Variants in ZFHX3 observed in about 807,000 individuals in gnomAD.
ZFHX3 encodes zinc finger homeobox protein 3.
Under a neutral mutation model 279.1 loss-of-function variants are expected in ZFHX3, and 42 were observed. That is an observed-to-expected ratio of 0.15 (90% CI 0.12 to 0.19). The LOEUF is 0.19. ZFHX3 is among the 10% of genes least tolerant of loss of function. The pLI, the probability that ZFHX3 is intolerant of heterozygous loss-of-function variation, is 1.00. For missense variants in ZFHX3, 4,981 were observed against 4,754.0 expected (o/e 1.05, Z -1.40); for synonymous variants, 2,293 against 1,957.8 (o/e 1.17, Z -4.52).
chr16:73,371,526 A>G (rs1280712559), intron 3 of ZFHX3, among the ~76,000 whole-genome samples: 2 of 151,788 alleles, frequency 1.3e-5, no homozygotes, highest in African/African-American at 4.8e-5. Flanking sequence ...AGGTAAGTTA[A>G]GTGAGTTTCC....
chr16:73,417,991 A>C, intron 3 of ZFHX3, among the ~76,000 whole-genome samples: 1 of 145,332 alleles, frequency 6.9e-6, no homozygotes, highest in African/African-American at 2.5e-5. Flanking sequence ...TCCATCTCAA[A>C]AAAAAAAAAA....
chr16:73,685,055 G>T (rs755217427), intron 1 of ZFHX3, among the ~76,000 whole-genome samples: 2 of 145,338 alleles, frequency 1.4e-5, no homozygotes, highest in African/African-American at 5.1e-5. Flanking sequence ...TCACTCTGTC[G>T]CCAGGCTGGA....
At chr16:72,887,357 C>T (rs569481121) in intron 4 of ZFHX3, among the ~76,000 whole-genome samples, 8 of 152,216 alleles carry the variant, frequency 5.3e-5, no homozygotes, top group Admixed American at 1.3e-4. Context: ...CCAGAGAAAA[C>T]AATAAGTTGT....
chr16:73,320,245 C>T (rs1030860864), intron 3 of ZFHX3, among the ~76,000 whole-genome samples: 2 of 152,110 alleles, frequency 1.3e-5, no homozygotes, highest in Non-Finnish European at 2.9e-5. Flanking sequence ...ACTAATGACC[C>T]CTTATTTAAA....
chr16:73,887,487 T>A (rs1456422517), intron 1 of ZFHX3, among the ~76,000 whole-genome samples: 2 of 152,204 alleles, frequency 1.3e-5, no homozygotes, highest in Non-Finnish European at 2.9e-5. Context: ...TAGATTAAAA[T>A]GGTTTAACTT....
chr16:73,399,890 A>G (rs2017214712), intron 3 of ZFHX3, among the ~76,000 whole-genome samples: 1 of 151,420 alleles, frequency 6.6e-6, no homozygotes, highest in Admixed American at 6.6e-5. Context: ...GTACACCCCC[A>G]GAGGCTGGGC....
At chr16:73,704,793 T>C (rs1262181739) in intron 1 of ZFHX3, among the ~76,000 whole-genome samples, 4 of 152,344 alleles carry the variant, frequency 2.6e-5, no homozygotes, top group African/African-American at 7.2e-5. Context: ...TAGAGGAAAC[T>C]GAACTTCACT....
chr16:73,438,942 G>A (rs1256632073), intron 3 of ZFHX3, among the ~76,000 whole-genome samples: 1 of 152,210 alleles, frequency 6.6e-6, no homozygotes, highest in Admixed American at 6.5e-5. Flanking sequence ...AAGCAGTGAA[G>A]CCAGCAGTTC....
At chr16:72,945,016 G>A (rs1157143552) in intron 3 of ZFHX3, among the ~76,000 whole-genome samples, 2 of 152,108 alleles carry the variant, frequency 1.3e-5, no homozygotes, top group Admixed American at 6.5e-5. Context: ...TCTAAAGAGT[G>A]GAGTGAAAAG....
intron 1 of ZFHX3, among the ~76,000 whole-genome samples, chr16:73,805,991 C>G (rs535079119): frequency 6.6e-6 from 1 of 152,298 alleles, no homozygotes; most frequent in African/African-American, 2.4e-5. Context: ...TTAATTGACT[C>G]ACAGTTCCAT....
intron 7 of ZFHX3, among the ~76,000 whole-genome samples, chr16:73,129,379 G>GACACAC (rs59666622): frequency 0.16 from 22,111 of 137,730 alleles, 2,456 homozygotes; most frequent in African/African-American, 0.32. Context: ...CAGAGACTCT[G>GACACAC]ACACACACAC....
At chr16:73,871,234 T>C (rs1597151917) in intron 1 of ZFHX3, among the ~76,000 whole-genome samples, 2 of 152,296 alleles carry the variant, frequency 1.3e-5, no homozygotes, top group South Asian at 2.1e-4. Flanking sequence ...CAAGAAATGC[T>C]GGAAAGTTGT....
chr16:73,326,516 C>T (rs1448619921), intron 3 of ZFHX3, among the ~76,000 whole-genome samples: 1 of 152,142 alleles, frequency 6.6e-6, no homozygotes, highest in Non-Finnish European at 1.5e-5. Flanking sequence ...ACACAAAGGA[C>T]CACATATCGT....
intron 1 of ZFHX3, among the ~76,000 whole-genome samples, chr16:73,765,896 G>T (rs9673757): frequency 6.6e-6 from 1 of 152,180 alleles, no homozygotes; most frequent in East Asian, 1.9e-4. Context: ...GGAGGCTTAC[G>T]TGAGACTGGC....
intron 5 of ZFHX3, among the ~76,000 whole-genome samples, chr16:73,226,836 A>G (rs1326730418): frequency 6.6e-6 from 1 of 152,226 alleles, no homozygotes; most frequent in Non-Finnish European, 1.5e-5. Context: ...AGTGTGAAGC[A>G]GAGGAGGGAT....
At chr16:72,836,711 T>C (rs973932735) in intron 4 of ZFHX3, among the ~76,000 whole-genome samples, 3 of 151,690 alleles carry the variant, frequency 2.0e-5, no homozygotes, top group Admixed American at 1.3e-4. Flanking sequence ...CAGCAGAGTA[T>C]ATACATTTAC....
intron 2 of ZFHX3, among the ~76,000 whole-genome samples, chr16:73,541,816 T>TTC (rs1567514251): frequency 3.8e-5 from 5 of 132,532 alleles, no homozygotes; most frequent in Non-Finnish European, 6.3e-5. Context: ...TTTTTTTTTT[T>TTC]CCCTGAGATG....
intron 8 of ZFHX3, among the ~76,000 whole-genome samples, chr16:73,072,695 G>A (rs1483151351): frequency 1.3e-5 from 2 of 152,068 alleles, no homozygotes; most frequent in Non-Finnish European, 2.9e-5. Context: ...CTCCTGAGTA[G>A]CTGGGACTAC....
At chr16:73,327,381 T>C (rs2015711818) in intron 3 of ZFHX3, among the ~76,000 whole-genome samples, 1 of 152,132 alleles carries the variant, frequency 6.6e-6, no homozygotes, top group African/African-American at 2.4e-5. Flanking sequence ...ACTCCTACCC[T>C]TCAAAGAGTC....
Sources: allele counts gnomAD v4.1 joint callset (sites outside exome capture counted in the v4.1 genomes callset), GRCh38; gene constraint gnomAD v4.1.1; transcripts MANE v1.5; gene names NCBI Gene and HGNC (gene_info 2026-07-23, HGNC 2026-07-21).